The following DRC9 variants were observed in gnomAD, a reference collection of about 807,000 sequenced individuals.
DRC9 encodes dynein regulatory complex subunit 9.
chr3:197,942,276 C>G, the DRC9 span, among the ~76,000 whole-genome samples: 1 of 149,400 alleles, frequency 6.7e-6, no homozygotes, highest in African/African-American at 2.5e-5. Flanking sequence ...CCGGGCTGCT[C>G]GGGAGGCTGA....
the DRC9 span, among the ~76,000 whole-genome samples, chr3:197,896,342 A>T: frequency 1.5e-5 from 2 of 130,812 alleles, no homozygotes; most frequent in African/African-American, 3.4e-5. Context: ...AAACTCCGTT[A>T]AAAAAAAAAA....
chr3:197,930,290 A>G, the DRC9 span, among the ~76,000 whole-genome samples: 38,875 of 152,026 alleles, frequency 0.26, 6,360 homozygotes, highest in African/African-American at 0.47. Flanking sequence ...CGAGGCTGCC[A>G]TGAGCCAAGA....
At chr3:197,923,625 G>A in the DRC9 span, among the ~76,000 whole-genome samples, 2 of 152,018 alleles carry the variant, frequency 1.3e-5, no homozygotes, top group African/African-American at 4.8e-5. Context: ...CAGCTATCTG[G>A]GGGCTGAGGC....
chr3:197,922,667 C>A, the DRC9 span, among the ~76,000 whole-genome samples: 1 of 151,814 alleles, frequency 6.6e-6, no homozygotes, highest in Non-Finnish European at 1.5e-5. Flanking sequence ...GATCGAGCTG[C>A]TGCACTCCAG....
chr3:197,932,724 G>A, the DRC9 span, among the ~76,000 whole-genome samples: 1 of 147,938 alleles, frequency 6.8e-6, no homozygotes, highest in Non-Finnish European at 1.5e-5. Context: ...CTACTTGGGA[G>A]GCTGAGGTGG....
chr3:197,903,179 C>G, the DRC9 span, among the ~76,000 whole-genome samples: 1 of 152,132 alleles, frequency 6.6e-6, no homozygotes, highest in Non-Finnish European at 1.5e-5. Context: ...TTACAAAAAT[C>G]AAATCAAAAT....
chr3:197,946,399 C>A, the DRC9 span, among the ~76,000 whole-genome samples: 2 of 143,554 alleles, frequency 1.4e-5, no homozygotes, highest in East Asian at 4.0e-4. Context: ...CGCGCCACTG[C>A]ACTCCAGCCT....
At chr3:197,946,173 C>T in the DRC9 span, among the ~76,000 whole-genome samples, 5 of 152,256 alleles carry the variant, frequency 3.3e-5, no homozygotes, top group African/African-American at 9.6e-5. Flanking sequence ...CGGGGGCTCA[C>T]GCCTGTAATC....
At chr3:197,951,226 C>G in the DRC9 span, 1 of 1,614,180 alleles carries the variant, frequency 6.2e-7, no homozygotes, top group South Asian at 1.1e-5. Context: ...GCACACAGCT[C>G]TTCTTAAAAT....
the DRC9 span, among the ~76,000 whole-genome samples, chr3:197,927,983 G>A: frequency 6.6e-6 from 1 of 152,044 alleles, no homozygotes; most frequent in Non-Finnish European, 1.5e-5. Context: ...GGGAGGGAGA[G>A]CATTAGGAGA....
At chr3:197,940,376 G>A in the DRC9 span, among the ~76,000 whole-genome samples, 12 of 151,050 alleles carry the variant, frequency 7.9e-5, no homozygotes, top group South Asian at 2.1e-4. Flanking sequence ...GTTTTTTACC[G>A]TAAGGAAAAA....
chr3:197,943,995 A>AC, the DRC9 span: 1 of 1,614,112 alleles, frequency 6.2e-7, no homozygotes, highest in South Asian at 1.1e-5. Context: ...TGTCACTGAC[A>AC]CCGTCATCTC....
the DRC9 span, chr3:197,944,031 T>G: frequency 6.2e-7 from 1 of 1,613,990 alleles, no homozygotes; most frequent in Non-Finnish European, 8.5e-7. Context: ...TGGAGGAAGG[T>G]TTGAGTCTTC....
chr3:197,935,444 AAAAAAAAAG>A, the DRC9 span, among the ~76,000 whole-genome samples: 1 of 134,170 alleles, frequency 7.5e-6, no homozygotes, highest in Admixed American at 7.1e-5. Flanking sequence ...GTCTCCAAAA[AAAAAAAAAG>A]AAAAGAAAAG....
At chr3:197,951,517 T>G in the DRC9 span, 1 of 565,604 alleles carries the variant, frequency 1.8e-6, no homozygotes. Context: ...CACGCCCGGC[T>G]AGTTTTTGTA....
the DRC9 span, among the ~76,000 whole-genome samples, chr3:197,910,982 C>CAAAAAAAAAAA: frequency 1.1e-3 from 68 of 61,078 alleles, no homozygotes; most frequent in East Asian, 2.0e-3. Context: ...AAAAACAAAA[C>CAAAAAAAAAAA]AAAAAAAAAA....
At chr3:197,933,026 ATAT>A in the DRC9 span, among the ~76,000 whole-genome samples, 41 of 140,388 alleles carry the variant, frequency 2.9e-4, no homozygotes, top group Middle Eastern at 3.6e-3. Context: ...TTAATATAAA[ATAT>A]TATATATTAT....
the DRC9 span, among the ~76,000 whole-genome samples, chr3:197,910,982 C>CAAAAAAA: frequency 2.0e-4 from 12 of 61,502 alleles, no homozygotes; most frequent in East Asian, 5.0e-4. Context: ...AAAAACAAAA[C>CAAAAAAA]AAAAAAAAAA....
At chr3:197,902,391 T>C in the DRC9 span, among the ~76,000 whole-genome samples, 1 of 152,066 alleles carries the variant, frequency 6.6e-6, no homozygotes, top group Non-Finnish European at 1.5e-5. Context: ...CAGGGACTAA[T>C]CGTGGAGAAA....
Sources: gnomAD v4.1 joint callset for allele counts (sites outside exome capture counted in the v4.1 genomes callset) on GRCh38, gnomAD v4.1.1 for gene constraint, MANE v1.5 for transcripts, NCBI Gene and HGNC (gene_info 2026-07-23, HGNC 2026-07-21) for gene names.